The following PACSIN2 variants were observed in gnomAD, a reference collection of about 807,000 sequenced individuals.
PACSIN2 encodes protein kinase C and casein kinase substrate in neurons 2.
PACSIN2 carries 25 observed loss-of-function variants against 63.8 expected under a neutral mutation model. The ratio of observed to expected loss-of-function variants is 0.39; its 90% CI spans 0.29 to 0.55. PACSIN2 has a LOEUF of 0.55. PACSIN2 is among the 20% of genes least tolerant of loss of function. The pLI, the probability that PACSIN2 is intolerant of heterozygous loss-of-function variation, is 0.62. For missense variants in PACSIN2, 518 were observed against 646.9 expected, an observed-to-expected ratio of 0.80 and a Z score of 2.16; for synonymous variants, 255 against 256.2, an observed-to-expected ratio of 1.00 and a Z score of 0.05.
intron 1 of PACSIN2, among the ~76,000 whole-genome samples, chr22:42,983,433 TGAGCC>T (rs1275634601): frequency 7.4e-6 from 1 of 134,892 alleles, no homozygotes; most frequent in Non-Finnish European, 1.5e-5. Context: ...GAGGTTGCAG[TGAGCC>T]GAGATTGTGC....
intron 2 of PACSIN2, among the ~76,000 whole-genome samples, chr22:42,897,216 T>C (rs1930352363): frequency 6.6e-6 from 1 of 152,222 alleles, no homozygotes; most frequent in Non-Finnish European, 1.5e-5. Flanking sequence ...GGATTACATG[T>C]ATAAGCCACA....
At position 42,878,867 on chromosome 22, in the gene PACSIN2, C is replaced by T. The variant is rs192640790; in HGVS notation, c.1028+181G>A. 2.8e-4 allele frequency among the ~76,000 whole-genome samples: 43 copies of T among 152,028 alleles called. No individual in the cohort carries two copies. In the East Asian group the frequency reaches 7.1e-3, roughly 25 times the overall value. Reference sequence around the variant, plus strand: ...CTTCCCTGGAGATGCCCCTGGGCCACGGCCCACAGAGCTCAGGAGCCCAGG... The same window carrying T: ...CTTCCCTGGAGATGCCCCTGGGCCATGGCCCACAGAGCTCAGGAGCCCAGG... On this transcript the variant is annotated intron_variant, in intron 8 of 10. Transcript: ENST00000263246.
chr22:42,969,876 C>T (rs956578808), intron 1 of PACSIN2, among the ~76,000 whole-genome samples: 3 of 150,636 alleles, frequency 2.0e-5, no homozygotes, highest in African/African-American at 7.3e-5. Context: ...GCACTCTAGC[C>T]TGAGTGACAG....
intron 1 of PACSIN2, among the ~76,000 whole-genome samples, chr22:42,963,888 A>T (rs1358809507): frequency 6.6e-6 from 1 of 151,174 alleles, no homozygotes; most frequent in Admixed American, 6.7e-5. Flanking sequence ...CATCGCTCTA[A>T]TACTATACTG....
chr22:42,962,045 C>T (rs1934153443), intron 1 of PACSIN2, among the ~76,000 whole-genome samples: 1 of 152,136 alleles, frequency 6.6e-6, no homozygotes. Context: ...GCACTCACTC[C>T]ACTAAGACAG....
At chr22:43,008,644 G>C (rs1159710705) in intron 1 of PACSIN2, among the ~76,000 whole-genome samples, 1 of 152,146 alleles carries the variant, frequency 6.6e-6, no homozygotes, top group Non-Finnish European at 1.5e-5. Context: ...AAAATGTTAG[G>C]AATCTAGCCA....
chr22:43,000,913 G>C (rs1478123342), intron 1 of PACSIN2, among the ~76,000 whole-genome samples: 1 of 152,198 alleles, frequency 6.6e-6, no homozygotes. Context: ...CTGGAGTACT[G>C]GAAGGCCCTG....
At chr22:42,876,515 A>ATCCTG (rs59041511) in intron 9 of PACSIN2, among the ~76,000 whole-genome samples, 182 bp from the exon 10 acceptor site, 1,760 of 152,344 alleles carry the variant, frequency 0.012, 32 homozygotes, top group African/African-American at 0.04. Flanking sequence ...CTGAGCCATC[A>ATCCTG]ACAGGCTTTC....
chr22:42,962,650 T>G (rs1210963074), intron 1 of PACSIN2, among the ~76,000 whole-genome samples: 1 of 151,378 alleles, frequency 6.6e-6, no homozygotes, highest in Non-Finnish European at 1.5e-5. Context: ...CCAGCAGCCA[T>G]TCACAGTCCA....
intron 1 of PACSIN2, among the ~76,000 whole-genome samples, chr22:42,976,056 CTTCCCCTCCTCTGTCATTTGGAGAACA>C (rs1276769579): frequency 2.0e-5 from 3 of 152,186 alleles, no homozygotes; most frequent in Non-Finnish European, 4.4e-5. Flanking sequence ...GCATTGAGGC[CTTCCCCTCCTCTGTCATTTGGAGAACA>C]TTCATCATCT....
intron 1 of PACSIN2, among the ~76,000 whole-genome samples, chr22:42,961,669 A>T (rs1446157878): frequency 2.0e-5 from 3 of 152,134 alleles, no homozygotes; most frequent in African/African-American, 7.2e-5. Context: ...GCTACTCAGG[A>T]GGCTGAGGCA....
chr22:42,905,948 G>A lies in PACSIN2; in HGVS notation c.60+6073C>T, dbSNP rs140727855. Among the ~76,000 whole-genome samples the A allele has an allele frequency of 3.8e-3, 575 of 152,326 alleles. 2 individuals are homozygous for A. Among genetic ancestry groups the A allele is most frequent in the Non-Finnish European group, 6.1e-3 (415 of 68,034 alleles). The stretch of plus-strand genomic sequence containing the variant: ...AGTCATATCTACCTGACCACCCACC[G>A]CCACCCACTCCTTCAAGTATGTAAG... On this transcript the variant is annotated intron_variant, in intron 2 of 10. Coordinates refer to ENST00000263246, the MANE Select transcript of PACSIN2 (RefSeq NM_001184970.3).
chr22:42,875,781 C>T (rs1479127205), intron 10 of PACSIN2, among the ~76,000 whole-genome samples: 1 of 127,264 alleles, frequency 7.9e-6, no homozygotes, highest in African/African-American at 2.8e-5. Context: ...AGTGATCTGC[C>T]TGCCTTGGCC....
intron 2 of PACSIN2, among the ~76,000 whole-genome samples, chr22:42,897,260 T>A (rs773281184): frequency 7.9e-5 from 12 of 152,188 alleles, no homozygotes; most frequent in East Asian, 1.9e-4. Context: ...ATATATTTTT[T>A]AAAAAATCAA....
Position 42,981,485 on chromosome 22 carries a change from G to A in PACSIN2, c.-78+33536C>T, listed in dbSNP as rs1209246138. ...CGCCCCGTCCGGGAGGGAGGCGGCG[G>A]GGGGGGTCGGCCAGCCGCCCCGTCC... On this transcript the variant is annotated intron_variant, in intron 1 of 10. Transcript: ENST00000263246. Among the ~76,000 whole-genome samples, 2 of 66,512 alleles carry A rather than the reference G, an allele frequency of 3.0e-5. 1 individual carries two copies. The highest frequency in any genetic ancestry group is 5.5e-5 in the Non-Finnish European group (2 of 36,316). 43.6% of individuals were successfully genotyped at this position (66,512 alleles called of 152,430 possible).
In PACSIN2 at chr22:42,893,545, G is replaced by A; in HGVS notation, c.129C>T (p.Asn43=). 8 of 1,614,136 alleles carry A rather than the reference G, an allele frequency of 5.0e-6. No homozygotes were observed. Among genetic ancestry groups the A allele is most frequent in the Non-Finnish European group, 6.8e-6 (8 of 1,180,010 alleles). ...DGHRLCSDLM[N]CLHERARIEK... ...CGATGCGCGCCCGCTCATGCAGGCAGTTCATGAGGTCGCTGCACAGGCGGT... is the reference window on the plus strand; with the variant it reads ...CGATGCGCGCCCGCTCATGCAGGCAATTCATGAGGTCGCTGCACAGGCGGT... The change falls in exon 3 of 11, where the codon AAC becomes AAT. Residue 43 remains asparagine, a synonymous_variant. Coordinates refer to ENST00000263246, the MANE Select transcript of PACSIN2 (RefSeq NM_001184970.3).
chr22:43,004,879 C>A (rs765769171), intron 1 of PACSIN2, among the ~76,000 whole-genome samples: 8 of 152,180 alleles, frequency 5.3e-5, no homozygotes, highest in African/African-American at 1.7e-4. Context: ...AAACCACTCA[C>A]CCCTTTAGCT....
chr22:42,972,566 C>T (rs1372543436), intron 1 of PACSIN2, among the ~76,000 whole-genome samples: 1 of 151,928 alleles, frequency 6.6e-6, no homozygotes, highest in Non-Finnish European at 1.5e-5. Flanking sequence ...GTTCCTTATA[C>T]ATCTAGGAAA....
Position 42,871,410 on chromosome 22 carries a change from C to G in PACSIN2, c.1408G>C (p.Asp470His), listed in dbSNP as rs981997674. Reference protein sequence around the residue: ...DEQGWCKGRLDNGQVGLYPAN... With the variant: ...DEQGWCKGRLHNGQVGLYPAN... The stretch of plus-strand genomic sequence containing the variant: ...GGGTATAGGCCAACTTGCCCGTTGT[C>G]CAAGCGTCCCTTGCACCAGCCCTGC... The change falls in exon 11 of 11, where the codon GAC (aspartate) becomes CAC (histidine). Residue 470 changes from aspartate to histidine, a missense_variant. Coordinates refer to ENST00000263246, the MANE Select transcript of PACSIN2 (RefSeq NM_001184970.3). This position sits in a 1 kb window ranked among gnomAD's most constrained non-coding sequence, Gnocchi z 5.4. The G allele has an allele frequency of 2.5e-6, 4 of 1,614,094 alleles. No individual in the cohort carries two copies. The African/African-American group carries it at 5.3e-5, about 22-fold the overall frequency.
Sources: allele counts gnomAD v4.1 joint callset (sites outside exome capture counted in the v4.1 genomes callset), GRCh38; gene constraint gnomAD v4.1.1; non-coding constraint Gnocchi (gnomAD v3.1); transcripts MANE v1.5; gene names NCBI Gene and HGNC (gene_info 2026-07-23, HGNC 2026-07-21).